Variants in SSPN observed in about 807,000 individuals in gnomAD.
The protein encoded by SSPN is K-ras oncogene-associated protein.
Under a neutral mutation model 19.1 loss-of-function variants are expected in SSPN, and 15 were observed. That is an observed-to-expected ratio of 0.78 (90% CI 0.52 to 1.21). The LOEUF is 1.21. SSPN is among the 50% of genes most tolerant of loss of function. The pLI, the probability that SSPN is intolerant of heterozygous loss-of-function variation, is 0.00. For synonymous variants in SSPN, 147 were observed against 140.3 expected (o/e 1.05, Z -0.34); for missense variants, 291 against 314.0 (o/e 0.93, Z 0.55).
At chr12:26,133,186 C>T (rs569207844) in intron 1 of SSPN, among the ~76,000 whole-genome samples, 8 of 152,322 alleles carry the variant, frequency 5.3e-5, no homozygotes, top group African/African-American at 1.4e-4. Flanking sequence ...ACAGGGCTGG[C>T]GAATTTGGTC....
In SSPN at chr12:26,230,749, C is replaced by A. The variant is rs374151014; in HGVS notation, c.405C>A (p.Val135=). The change falls in exon 3 of 3, where the codon GTC becomes GTA. Residue 135 remains valine (V), a synonymous_variant. Coordinates refer to ENST00000242729, the MANE Select transcript of SSPN (RefSeq NM_005086.5). The part of the protein sequence containing the change: ...YFLLSALGLT[V]CVLAVAFAAH... ...TGCTGAGTGCCCTGGGCCTGACGGT[C>A]TGTGTGCTGGCCGTGGCCTTTGCCG... 11 of 1,614,040 alleles carry A rather than the reference C, an allele frequency of 6.8e-6. No individual in the cohort carries two copies. The highest frequency in any genetic ancestry group is 8.5e-6 in the Non-Finnish European group (10 of 1,180,002).
At chr12:26,124,260 C>T in intron 1 of SSPN, 1 of 562,114 alleles carries the variant, frequency 1.8e-6, no homozygotes, top group East Asian at 5.5e-5. Flanking sequence ...TCTGCCCCCC[C>T]CGCCCCCCCA....
intron 1 of SSPN, among the ~76,000 whole-genome samples, chr12:26,160,013 C>T (rs1944577996): frequency 1.3e-5 from 2 of 152,144 alleles, no homozygotes; most frequent in Admixed American, 1.3e-4. Context: ...GTAGATGATT[C>T]TGCAGGTCTG....
intron 1 of SSPN, among the ~76,000 whole-genome samples, chr12:26,220,009 A>C (rs949333528): frequency 6.6e-6 from 1 of 152,128 alleles, no homozygotes. Flanking sequence ...GCCCATTAAC[A>C]TGAGCTCCCC....
At chr12:26,166,736 G>A (rs1210466761) in intron 1 of SSPN, among the ~76,000 whole-genome samples, 4 of 152,204 alleles carry the variant, frequency 2.6e-5, no homozygotes, top group African/African-American at 9.6e-5. Context: ...TAATCCATCA[G>A]TAGAGCTGAG....
chr12:26,122,812 C>T (rs766087804), intron 1 of SSPN: 1 of 1,590,276 alleles, frequency 6.3e-7, no homozygotes, highest in Non-Finnish European at 8.5e-7. Flanking sequence ...GTGTCCGTGT[C>T]GTTCTCGGCG....
intron 1 of SSPN, among the ~76,000 whole-genome samples, chr12:26,150,162 C>T (rs1944517076): frequency 6.6e-6 from 1 of 152,164 alleles, no homozygotes; most frequent in Non-Finnish European, 1.5e-5. Context: ...ACATTAGCCA[C>T]AAGAAAGGAA....
At chr12:26,129,641 G>A (rs2729625) in intron 1 of SSPN, among the ~76,000 whole-genome samples, 149,236 of 152,328 alleles carry the variant, frequency 0.98, 73,165 homozygotes, top group South Asian at 1. Context: ...AACAGCACAC[G>A]TGTCCCCGTT....
intron 1 of SSPN, among the ~76,000 whole-genome samples, chr12:26,174,780 C>A (rs1484465386): frequency 2.6e-5 from 4 of 152,156 alleles, no homozygotes; most frequent in African/African-American, 9.7e-5. Flanking sequence ...CTCGACCTCC[C>A]AAAGTGCTGG....
chr12:26,204,960 G>T (rs1944918731), intron 1 of SSPN, among the ~76,000 whole-genome samples: 1 of 152,184 alleles, frequency 6.6e-6, no homozygotes, highest in Non-Finnish European at 1.5e-5. Flanking sequence ...GATGCTCTCT[G>T]AGCTAATGTT....
chr12:26,201,046 TTA>T (rs1555179575), intron 1 of SSPN, among the ~76,000 whole-genome samples: 5,369 of 75,184 alleles, frequency 0.071, 200 homozygotes, highest in African/African-American at 0.091. Context: ...TATATATATA[TTA>T]TATATATATA....
intron 1 of SSPN, among the ~76,000 whole-genome samples, chr12:26,167,955 T>A (rs556487748): frequency 7.2e-5 from 11 of 152,346 alleles, no homozygotes; most frequent in African/African-American, 2.4e-4. Flanking sequence ...GGCTTACAGC[T>A]GTAATCCCAG....
At chr12:26,196,188 G>A (rs1265423548) in intron 1 of SSPN, among the ~76,000 whole-genome samples, 2 of 152,216 alleles carry the variant, frequency 1.3e-5, no homozygotes, top group Admixed American at 6.5e-5. Context: ...CACGGGGCCT[G>A]ACTCTGACGC....
rs2137526801 is a variant in SSPN at position 26,232,724 on chromosome 12, C to G, written c.*1648C>G. 2 of 984,396 alleles carry G rather than the reference C, an allele frequency of 2.0e-6. No individual in the cohort carries two copies. The highest frequency in any genetic ancestry group is 1.7e-5 in the African/African-American group (1 of 57,270). 61.0% of individuals were successfully genotyped at this position (984,396 alleles called of 1,614,324 possible). A position where few individuals can be genotyped will look rare whatever the true frequency, so the allele number is the denominator to read the frequency against. ...GGATTGTAAATATCTTTTATGTCCT[C>G]TAGATAAAACACCCGATTAACAGAT... On this transcript the variant is annotated 3_prime_UTR_variant, in exon 3 of 3. Coordinates refer to ENST00000242729, the MANE Select transcript of SSPN (RefSeq NM_005086.5).
chr12:26,203,570 TG>T (rs903963506), intron 1 of SSPN, among the ~76,000 whole-genome samples: 10 of 152,230 alleles, frequency 6.6e-5, no homozygotes, highest in African/African-American at 2.4e-4. Context: ...AGATAAAACT[TG>T]GCAAGAGTAA....
intron 1 of SSPN, among the ~76,000 whole-genome samples, chr12:26,131,535 A>G (rs138193583): frequency 6.6e-6 from 1 of 152,312 alleles, no homozygotes; most frequent in African/African-American, 2.4e-5. Context: ...ATTCACTTCT[A>G]GCCACACTTA....
intron 1 of SSPN, among the ~76,000 whole-genome samples, chr12:26,203,037 C>T (rs1047983840): frequency 6.6e-6 from 1 of 152,148 alleles, no homozygotes; most frequent in Non-Finnish European, 1.5e-5. Flanking sequence ...GAAACTGCCA[C>T]TTATAAGCCA....
chr12:26,203,846 G>A (rs75320434), intron 1 of SSPN, among the ~76,000 whole-genome samples: 2 of 152,062 alleles, frequency 1.3e-5, no homozygotes, highest in Non-Finnish European at 2.9e-5. Flanking sequence ...GCTTGCAGGC[G>A]GCTGCCTTCT....
intron 1 of SSPN, among the ~76,000 whole-genome samples, chr12:26,156,880 C>G (rs1485915947): frequency 6.6e-6 from 1 of 152,106 alleles, no homozygotes; most frequent in Non-Finnish European, 1.5e-5. Flanking sequence ...GAAACTGGCC[C>G]GTAGCATTTG....
Sources: gnomAD v4.1 joint callset for allele counts (sites outside exome capture counted in the v4.1 genomes callset) on GRCh38, gnomAD v4.1.1 for gene constraint, MANE v1.5 for transcripts, NCBI Gene and HGNC (gene_info 2026-07-23, HGNC 2026-07-21) for gene names.